PKIB: variants seen among roughly 807,000 people sequenced by gnomAD.
PKIB encodes cAMP-dependent protein kinase inhibitor beta, also known as PKI-beta.
A neutral mutation model predicts 4.5 loss-of-function variants in PKIB; 2 were observed. The observed-to-expected ratio is 0.44, with a 90% CI of 0.18 to 1.39. PKIB has a LOEUF of 1.39. Ranked by LOEUF, PKIB falls within the 40% of genes most tolerant of loss-of-function variation. The pLI is 0.27. For missense variants in PKIB, 94 were observed against 92.6 expected (o/e 1.02, Z -0.06); for synonymous variants, 38 against 36.0 (o/e 1.06, Z -0.20).
At chr6:122,472,078 G>C (rs923516546) in intron 1 of PKIB, 1 of 356,008 alleles carries the variant, frequency 2.8e-6, no homozygotes, top group African/African-American at 2.1e-5. Flanking sequence ...CCATGCACTT[G>C]CATTTGGGCA....
At chr6:122,558,223 T>C (rs1772906400) in intron 2 of PKIB, among the ~76,000 whole-genome samples, 1 of 152,340 alleles carries the variant, frequency 6.6e-6, no homozygotes, top group South Asian at 2.1e-4. Flanking sequence ...TTCTCAGCTC[T>C]GATTTCTTGG....
chr6:122,707,149 T>G (rs1279668767), intron 3 of PKIB, among the ~76,000 whole-genome samples: 1 of 152,094 alleles, frequency 6.6e-6, no homozygotes, highest in Middle Eastern at 3.2e-3. Flanking sequence ...TGAAAAAATA[T>G]TTCAATTAGA....
intron 1 of PKIB, among the ~76,000 whole-genome samples, chr6:122,625,387 G>A (rs746262063): frequency 1.9e-4 from 29 of 152,054 alleles, no homozygotes; most frequent in Non-Finnish European, 3.7e-4. Context: ...ACAAAAGTGG[G>A]TCTGTGTTTC....
At chr6:122,537,982 A>C (rs1296536735) in intron 2 of PKIB, among the ~76,000 whole-genome samples, 3 of 152,004 alleles carry the variant, frequency 2.0e-5, no homozygotes, top group Non-Finnish European at 4.4e-5. Context: ...TCTTCTTTTG[A>C]GAAGTGTCTG....
At chr6:122,605,765 C>A (rs771765042), upstream of PKIB, among the ~76,000 whole-genome samples, 8 of 152,174 alleles carry the variant, frequency 5.3e-5, no homozygotes, top group Non-Finnish European at 1.0e-4. Flanking sequence ...TGGTTTTTGT[C>A]CCCAAGGCAG....
At chr6:122,704,607 A>C (rs748796017) in intron 3 of PKIB, among the ~76,000 whole-genome samples, 151 of 152,168 alleles carry the variant, frequency 9.9e-4, no homozygotes, top group Non-Finnish European at 1.6e-3. Context: ...CATTGTGGAA[A>C]TATAACGGTA....
chr6:122,535,782 T>A (rs1777388728), intron 2 of PKIB, among the ~76,000 whole-genome samples: 1 of 152,210 alleles, frequency 6.6e-6, no homozygotes, highest in African/African-American at 2.4e-5. Context: ...TGTGGTTTCC[T>A]CATCTTCAAA....
intron 1 of PKIB, among the ~76,000 whole-genome samples, chr6:122,627,584 G>T (rs1775508724): frequency 6.6e-6 from 1 of 152,110 alleles, no homozygotes; most frequent in East Asian, 1.9e-4. Context: ...GATAATTCCT[G>T]GGGTGTATCT....
intron 2 of PKIB, among the ~76,000 whole-genome samples, chr6:122,663,798 T>G (rs1400870149): frequency 1.8e-4 from 27 of 152,128 alleles, no homozygotes; most frequent in Admixed American, 1.8e-3. Context: ...AACATCATAT[T>G]CACATGTACT....
rs369112599 is a variant in PKIB at position 122,548,456 on chromosome 6, G to A, written c.-247-37465G>A. On this transcript the variant is annotated intron_variant, in intron 2 of 6. Transcript: ENST00000392491. ...TCTGACACCGAAATGGAAAGCATACGTAGAGAATGATAGGGAGAAAGGACA... is the reference window on the plus strand; with the variant it reads ...TCTGACACCGAAATGGAAAGCATACATAGAGAATGATAGGGAGAAAGGACA... 2.8e-4 allele frequency among the ~76,000 whole-genome samples: 43 copies of A among 152,242 alleles called. No individual in the cohort carries two copies. The South Asian group carries it at 8.7e-3, about 31-fold the overall frequency.
upstream of PKIB, among the ~76,000 whole-genome samples, chr6:122,608,858 A>C (rs1309595221): frequency 6.6e-6 from 1 of 152,194 alleles, no homozygotes; most frequent in African/African-American, 2.4e-5. Flanking sequence ...ATAAAAATCC[A>C]ATCATGATAC....
intron 2 of PKIB, among the ~76,000 whole-genome samples, chr6:122,583,903 C>T (rs958679280): frequency 6.6e-5 from 10 of 152,018 alleles, no homozygotes; most frequent in South Asian, 2.1e-4. Flanking sequence ...TGCCCCTTTT[C>T]GCAGTTTCAC....
chr6:122,615,283 C>T (rs1180288960), intron 1 of PKIB, among the ~76,000 whole-genome samples: 1 of 152,108 alleles, frequency 6.6e-6, no homozygotes, highest in Non-Finnish European at 1.5e-5. Flanking sequence ...GAGGTTTCAT[C>T]TGAAGGCTAC....
At chr6:122,621,422 G>T (rs2114789513) in intron 1 of PKIB, among the ~76,000 whole-genome samples, 1 of 152,250 alleles carries the variant, frequency 6.6e-6, no homozygotes. Flanking sequence ...GTGTTGGATA[G>T]GTAAATAACT....
chr6:122,713,604 G>A (rs1179660235), intron 3 of PKIB, among the ~76,000 whole-genome samples: 3 of 152,124 alleles, frequency 2.0e-5, no homozygotes, highest in African/African-American at 7.2e-5. Context: ...TGGCTACTGG[G>A]GGAAGGAGAA....
chr6:122,714,370 A>C (rs9398694), intron 3 of PKIB, among the ~76,000 whole-genome samples: 66,656 of 152,024 alleles, frequency 0.44, 16,781 homozygotes, highest in African/African-American at 0.67. Flanking sequence ...TAGCCTCCCT[A>C]TATGGCCACT....
At position 122,636,445 on chromosome 6, in the gene PKIB, CAATT is replaced by C. The variant is rs779352357; in HGVS notation, c.-76+3081_-76+3084del. On this transcript the variant is annotated intron_variant, in intron 2 of 4. Transcript: ENST00000368452. ...AAAACATTTAAAAATCTCATCATAA[CAATT>C]AAATATTATATAGCTATGAATAAAC... Among the ~76,000 whole-genome samples the C allele has an allele frequency of 3.1e-4, 47 of 151,816 alleles. No homozygotes were observed. The East Asian group carries it at 7.0e-3, about 22-fold the overall frequency.
At chr6:122,558,073 A>G (rs577948978) in intron 2 of PKIB, among the ~76,000 whole-genome samples, 5 of 152,296 alleles carry the variant, frequency 3.3e-5, no homozygotes, top group Admixed American at 1.3e-4. Context: ...CCATGTTTCA[A>G]AAACACATAC....
At chr6:122,654,926 C>T (rs139373609) in intron 2 of PKIB, among the ~76,000 whole-genome samples, 520 of 152,034 alleles carry the variant, frequency 3.4e-3, no homozygotes, top group Non-Finnish European at 6.7e-3. Flanking sequence ...TACTTTTGGC[C>T]TTCATGTTTT....
Sources: allele counts gnomAD v4.1 joint callset (sites outside exome capture counted in the v4.1 genomes callset), GRCh38; gene constraint gnomAD v4.1.1; transcripts MANE v1.5; gene names NCBI Gene and HGNC (gene_info 2026-07-23, HGNC 2026-07-21).